Variants in GPC5 observed in about 807,000 individuals in gnomAD.
The protein encoded by GPC5 is glypican 5.
GPC5 carries 47 observed loss-of-function variants against 53.9 expected under a neutral mutation model. That is an observed-to-expected ratio of 0.87 (90% confidence interval 0.69 to 1.11). GPC5 has a LOEUF of 1.11. GPC5 is among the 50% of genes most tolerant of loss of function. GPC5 has a pLI of 0.00. For synonymous variants in GPC5, 286 were observed against 263.3 expected (o/e 1.09, Z -0.84); for missense variants, 748 against 713.1 (o/e 1.05, Z -0.56).
chr13:91,908,270 TC>T (rs2039576098), intron 6 of GPC5, among the ~76,000 whole-genome samples: 2 of 152,102 alleles, frequency 1.3e-5, no homozygotes, highest in African/African-American at 4.8e-5. Flanking sequence ...ACAATCTGTA[TC>T]TGTGAAAAGC....
At chr13:92,007,156 A>G (rs1237653451) in intron 6 of GPC5, among the ~76,000 whole-genome samples, 1 of 152,082 alleles carries the variant, frequency 6.6e-6, no homozygotes, top group Non-Finnish European at 1.5e-5. Context: ...TTCACAATTT[A>G]CTCTCAATAT....
At chr13:92,141,722 C>G (rs2041832479) in intron 6 of GPC5, among the ~76,000 whole-genome samples, 1 of 152,150 alleles carries the variant, frequency 6.6e-6, no homozygotes, top group Non-Finnish European at 1.5e-5. Context: ...TGCTCAGGGT[C>G]TCACAAGGCT....
chr13:91,593,986 A>G (rs924619336), intron 2 of GPC5, among the ~76,000 whole-genome samples: 5 of 151,850 alleles, frequency 3.3e-5, no homozygotes, highest in Non-Finnish European at 5.9e-5. Flanking sequence ...ACAAGTTCTT[A>G]TTTGGGAAAG....
intron 7 of GPC5, among the ~76,000 whole-genome samples, chr13:92,175,133 G>A (rs573784186): frequency 2.6e-4 from 39 of 152,300 alleles, no homozygotes; most frequent in African/African-American, 7.9e-4. Context: ...GATTACAGGC[G>A]TGAGCCACTG....
chr13:92,178,918 C>T (rs1423520855), intron 7 of GPC5, among the ~76,000 whole-genome samples: 1 of 152,082 alleles, frequency 6.6e-6, no homozygotes, highest in Admixed American at 6.5e-5. Context: ...TTGCAGTGAG[C>T]CAAGATTGCA....
intron 6 of GPC5, among the ~76,000 whole-genome samples, chr13:92,103,462 T>C (rs1205649222): frequency 1.3e-5 from 2 of 152,198 alleles, no homozygotes; most frequent in East Asian, 3.8e-4. Flanking sequence ...CATACTTAAA[T>C]TGTGGCTTAT....
At chr13:92,338,859 C>CTT (rs2043343898) in intron 7 of GPC5, among the ~76,000 whole-genome samples, 3 of 151,992 alleles carry the variant, frequency 2.0e-5, no homozygotes, top group Non-Finnish European at 4.4e-5. Context: ...TGTACAATAT[C>CTT]AACAGTAAAT....
rs1566567349 is a variant in GPC5 at position 92,385,409 on chromosome 13, CACATATAT to C, written c.1561+240422_1561+240429del. On this transcript the variant is annotated intron_variant, in intron 7 of 7. Transcript: ENST00000377067. ...ATATATACATATATACACATATATA[CACATATAT>C]ATACATATATACATATATACATATA... 3.9e-3 allele frequency among the ~76,000 whole-genome samples: 268 copies of C among 68,412 alleles called. 8 individuals are homozygous for C. Among genetic ancestry groups the C allele is most frequent in the African/African-American group, 0.014 (249 of 17,702 alleles). 44.9% of individuals were successfully genotyped at this position (68,412 alleles called of 152,430 possible). A position where few individuals can be genotyped will look rare whatever the true frequency, so the allele number is the denominator to read the frequency against.
chr13:92,201,080 C>A (rs1593989237), intron 7 of GPC5, among the ~76,000 whole-genome samples: 1 of 152,050 alleles, frequency 6.6e-6, no homozygotes, highest in East Asian at 1.9e-4. Flanking sequence ...TAAGGATATA[C>A]TGAACGTCAT....
intron 1 of GPC5, among the ~76,000 whole-genome samples, chr13:91,399,974 G>A (rs142540835): frequency 9.1e-4 from 138 of 152,286 alleles, no homozygotes; most frequent in African/African-American, 3.2e-3. Context: ...TCCTGTGAGC[G>A]CCTTTTGCCT....
intron 2 of GPC5, among the ~76,000 whole-genome samples, chr13:91,487,781 A>C (rs73602332): frequency 6.6e-6 from 1 of 152,336 alleles, no homozygotes; most frequent in East Asian, 1.9e-4. Context: ...GCTTGTCTTT[A>C]GGATTCCTTC....
intron 5 of GPC5, among the ~76,000 whole-genome samples, chr13:91,859,384 A>C (rs2039001474): frequency 6.6e-6 from 1 of 151,656 alleles, no homozygotes; most frequent in African/African-American, 2.4e-5. Flanking sequence ...AGTCATTTTT[A>C]ATTTCTTTGT....
At chr13:92,160,412 T>C (rs1444310693) in intron 7 of GPC5, among the ~76,000 whole-genome samples, 1 of 152,220 alleles carries the variant, frequency 6.6e-6, no homozygotes, top group Non-Finnish European at 1.5e-5. Context: ...AGTAAAACTG[T>C]TACAATTTTC....
intron 2 of GPC5, among the ~76,000 whole-genome samples, chr13:91,627,400 T>C (rs1012494087): frequency 2.0e-5 from 3 of 151,882 alleles, no homozygotes; most frequent in African/African-American, 7.3e-5. Flanking sequence ...TTTTACACTG[T>C]TGGTGGGACT....
At chr13:92,414,110 C>T (rs1487007656) in intron 7 of GPC5, among the ~76,000 whole-genome samples, 2 of 152,090 alleles carry the variant, frequency 1.3e-5, no homozygotes, top group Non-Finnish European at 2.9e-5. Context: ...CTTTGCTAGT[C>T]GGAGAATGCA....
chr13:92,637,768 T>G (rs1426568345), intron 7 of GPC5, among the ~76,000 whole-genome samples: 1 of 151,268 alleles, frequency 6.6e-6, no homozygotes, highest in Non-Finnish European at 1.5e-5. Flanking sequence ...TATGATACCA[T>G]ATTGAAGAGA....
intron 7 of GPC5, among the ~76,000 whole-genome samples, chr13:92,343,502 A>G (rs537707397): frequency 1.3e-5 from 2 of 152,268 alleles, no homozygotes; most frequent in South Asian, 4.1e-4. Flanking sequence ...TTATTCCATT[A>G]TGTGAGTTCT....
At chr13:91,462,630 C>T (rs951307975) in intron 2 of GPC5, among the ~76,000 whole-genome samples, 1 of 151,992 alleles carries the variant, frequency 6.6e-6, no homozygotes, top group African/African-American at 2.4e-5. Flanking sequence ...ATAAGGAAAG[C>T]TAGTGTAGAA....
At chr13:91,773,469 A>C (rs900314771) in intron 5 of GPC5, among the ~76,000 whole-genome samples, 4 of 152,218 alleles carry the variant, frequency 2.6e-5, no homozygotes, top group Admixed American at 6.5e-5. Context: ...AAAATCTAGA[A>C]GGAAAATTCA....
Sources: gnomAD v4.1 joint callset for allele counts (sites outside exome capture counted in the v4.1 genomes callset) on GRCh38, gnomAD v4.1.1 for gene constraint, MANE v1.5 for transcripts, NCBI Gene and HGNC (gene_info 2026-07-23, HGNC 2026-07-21) for gene names.